The following CADPS2 variants were observed in gnomAD, a reference collection of about 807,000 sequenced individuals.
CADPS2 encodes the protein calcium dependent secretion activator 2.
A neutral mutation model predicts 172.5 loss-of-function variants in CADPS2; 93 were observed. The ratio of observed to expected loss-of-function variants is 0.54; its 90% CI spans 0.46 to 0.64. The LOEUF is 0.64. CADPS2 is among the 30% of genes least tolerant of loss of function. The probability of loss-of-function intolerance (pLI) is 0.00; values close to 1 mark genes in which losing one functional copy is unlikely to be tolerated. For synonymous variants in CADPS2, 546 were observed against 555.2 expected (o/e 0.98, Z 0.23); for missense variants, 1,420 against 1,565.9 (o/e 0.91, Z 1.57).
intron 3 of CADPS2, among the ~76,000 whole-genome samples, chr7:122,657,171 T>TCTGTTTTGGTACCAGTACCATG (rs2079907440): frequency 6.6e-6 from 1 of 151,796 alleles, no homozygotes; most frequent in African/African-American, 2.4e-5. Context: ...GGTCTATATC[T>TCTGTTTTGGTACCAGTACCATG]CTGTTTTGGT....
chr7:122,562,559 T>C (rs1399298673), intron 7 of CADPS2, among the ~76,000 whole-genome samples: 1 of 152,164 alleles, frequency 6.6e-6, no homozygotes, highest in Non-Finnish European at 1.5e-5. Context: ...AACTATAAGA[T>C]AACAAATTTA....
chr7:122,473,866 T>C (rs1001816593), intron 13 of CADPS2, among the ~76,000 whole-genome samples: 2 of 152,186 alleles, frequency 1.3e-5, no homozygotes, highest in Non-Finnish European at 2.9e-5. Flanking sequence ...CAAGTTATAC[T>C]TTGGATGGCT....
At chr7:122,638,940 C>T (rs112214037) in intron 3 of CADPS2, among the ~76,000 whole-genome samples, 5 of 152,338 alleles carry the variant, frequency 3.3e-5, no homozygotes, top group African/African-American at 9.6e-5. Flanking sequence ...GAGCAGTACA[C>T]ACTAGCTCCT....
intron 1 of CADPS2, among the ~76,000 whole-genome samples, chr7:122,753,089 T>G (rs2093017138): frequency 6.6e-6 from 1 of 152,176 alleles, no homozygotes; most frequent in South Asian, 2.1e-4. Flanking sequence ...GGTAAAATGA[T>G]TACTTATTAC....
intron 4 of CADPS2, among the ~76,000 whole-genome samples, chr7:122,624,621 A>G (rs1166752787): frequency 6.6e-6 from 1 of 152,236 alleles, no homozygotes; most frequent in Non-Finnish European, 1.5e-5. Flanking sequence ...AAATTAGAGC[A>G]GATTCAGTTA....
intron 2 of CADPS2, among the ~76,000 whole-genome samples, chr7:122,721,435 C>G (rs1380255773): frequency 1.3e-5 from 2 of 152,110 alleles, no homozygotes; most frequent in East Asian, 1.9e-4. Flanking sequence ...ACTAGAAAAT[C>G]TAGAAGAAAT....
chr7:122,557,864 G>T (rs950931337), intron 7 of CADPS2, among the ~76,000 whole-genome samples: 2 of 152,156 alleles, frequency 1.3e-5, no homozygotes, highest in African/African-American at 4.8e-5. Flanking sequence ...TCTAAGTAGG[G>T]ACATATGAAA....
intron 9 of CADPS2, among the ~76,000 whole-genome samples, chr7:122,502,338 C>CT (rs2059272905): frequency 6.6e-6 from 1 of 152,044 alleles, no homozygotes; most frequent in African/African-American, 2.4e-5. Context: ...TTCTGAGAAG[C>CT]TGACTGTTAA....
chr7:122,691,321 T>A (rs2084329577), intron 2 of CADPS2, among the ~76,000 whole-genome samples: 1 of 152,240 alleles, frequency 6.6e-6, no homozygotes, highest in Non-Finnish European at 1.5e-5. Context: ...TGCTTCTGTA[T>A]TAATGAACAC....
At chr7:122,574,437 C>A (rs1587471199) in intron 7 of CADPS2, among the ~76,000 whole-genome samples, 1 of 29,170 alleles carries the variant, frequency 3.4e-5, no homozygotes, top group African/African-American at 1.2e-4. Context: ...TAGAGTGAGA[C>A]CCTGTCTTAA....
intron 1 of CADPS2, among the ~76,000 whole-genome samples, chr7:122,754,144 G>A (rs2093063515): frequency 1.3e-5 from 2 of 152,138 alleles, no homozygotes; most frequent in South Asian, 4.1e-4. Context: ...ACATGCAAAT[G>A]TATTTAGTTT....
At chr7:122,423,078 A>G (rs1335949115) in intron 17 of CADPS2, among the ~76,000 whole-genome samples, 1 of 152,194 alleles carries the variant, frequency 6.6e-6, no homozygotes, top group East Asian at 1.9e-4. Flanking sequence ...CTTAACTCTG[A>G]TATCAACATC....
chr7:122,669,911 C>T (rs2081610679), intron 2 of CADPS2, among the ~76,000 whole-genome samples: 1 of 151,788 alleles, frequency 6.6e-6, no homozygotes, highest in Non-Finnish European at 1.5e-5. Context: ...GTGACAGATC[C>T]CAGTTTCCAT....
intron 8 of CADPS2, among the ~76,000 whole-genome samples, chr7:122,545,614 T>G (rs2063544586): frequency 6.6e-6 from 1 of 152,070 alleles, no homozygotes. Context: ...GGGAACATCG[T>G]AGAAAAGTCC....
intron 6 of CADPS2, among the ~76,000 whole-genome samples, chr7:122,609,106 AT>A (rs977706269): frequency 2.0e-5 from 3 of 151,990 alleles, no homozygotes; most frequent in Non-Finnish European, 4.4e-5. Context: ...GAATTTCCTT[AT>A]TTTCCTGGCA....
chr7:122,413,756 C>T (rs1043736435), intron 19 of CADPS2, among the ~76,000 whole-genome samples: 34 of 152,138 alleles, frequency 2.2e-4, no homozygotes, highest in South Asian at 1.0e-3. Flanking sequence ...TCAGAGAAAA[C>T]GTGAGATTTT....
intron 6 of CADPS2, among the ~76,000 whole-genome samples, chr7:122,614,708 G>T (rs915165912): frequency 2.0e-5 from 3 of 152,182 alleles, no homozygotes; most frequent in African/African-American, 4.8e-5. Context: ...ATATCGTGCG[G>T]TAGTCGTACA....
intron 1 of CADPS2, among the ~76,000 whole-genome samples, chr7:122,756,425 C>T (rs554392368): frequency 4.6e-5 from 7 of 152,094 alleles, no homozygotes; most frequent in Non-Finnish European, 7.4e-5. Flanking sequence ...GAAATGTATA[C>T]AACCACATTT....
intron 1 of CADPS2, among the ~76,000 whole-genome samples, chr7:122,748,258 T>C (rs2092804144): frequency 2.0e-5 from 3 of 152,138 alleles, no homozygotes; most frequent in South Asian, 2.1e-4. Context: ...AATAAGTTCA[T>C]GGACAGACTC....
Sources: gnomAD v4.1 joint callset for allele counts (sites outside exome capture counted in the v4.1 genomes callset) on GRCh38, gnomAD v4.1.1 for gene constraint, MANE v1.5 for transcripts, NCBI Gene and HGNC (gene_info 2026-07-23, HGNC 2026-07-21) for gene names.